Variants in NRXN1 observed in about 807,000 individuals in gnomAD.
NRXN1 encodes neurexin-1.
In NRXN1, 39 loss-of-function variants were observed where a neutral mutation model predicts 150.9. The observed-to-expected ratio is 0.26, with a 90% CI of 0.20 to 0.34. The LOEUF (loss-of-function observed/expected upper bound fraction) is 0.34, where lower values mean the gene tolerates loss of function less well. Ranked by LOEUF, NRXN1 falls within the 10% of genes least tolerant of loss-of-function variation. The probability of loss-of-function intolerance (pLI) is 1.00; values close to 1 mark genes in which losing one functional copy is unlikely to be tolerated. For synonymous variants in NRXN1, 924 were observed against 757.0 expected (o/e 1.22, Z -3.62); for missense variants, 1,815 against 1,949.9 (o/e 0.93, Z 1.30).
At chr2:50,931,781 T>A (rs1397535849) in intron 2 of NRXN1, among the ~76,000 whole-genome samples, 1 of 152,132 alleles carries the variant, frequency 6.6e-6, no homozygotes, top group Non-Finnish European at 1.5e-5. Context: ...AAAATTATTT[T>A]AAAAGGAATA....
intron 5 of NRXN1, among the ~76,000 whole-genome samples, chr2:50,683,015 T>C (rs1574084902): frequency 1.3e-5 from 2 of 152,052 alleles, no homozygotes; most frequent in East Asian, 1.9e-4. Context: ...TAATCAACCA[T>C]TGAGGGCCTA....
chr2:50,371,787 T>C (rs1244118621), intron 17 of NRXN1, among the ~76,000 whole-genome samples: 3 of 151,844 alleles, frequency 2.0e-5, no homozygotes, highest in Non-Finnish European at 4.4e-5. Flanking sequence ...TATTTTTATA[T>C]TTATAAAATA....
intron 17 of NRXN1, among the ~76,000 whole-genome samples, chr2:50,392,771 C>A (rs932584372): frequency 4.6e-5 from 7 of 151,928 alleles, no homozygotes; most frequent in African/African-American, 1.5e-4. Flanking sequence ...AAATGGGTAT[C>A]CTGAAAGCTA....
chr2:50,198,328 G>A (rs1434897377), intron 18 of NRXN1, among the ~76,000 whole-genome samples: 1 of 152,038 alleles, frequency 6.6e-6, no homozygotes, highest in Non-Finnish European at 1.5e-5. Context: ...GAGGCACCAG[G>A]GGAAAAGTGG....
At chr2:50,485,191 T>C (rs1266369100) in intron 15 of NRXN1, among the ~76,000 whole-genome samples, 1 of 152,238 alleles carries the variant, frequency 6.6e-6, no homozygotes, top group Non-Finnish European at 1.5e-5. Context: ...ATTGAATTTC[T>C]GACTGAAGTG....
At chr2:50,898,379 T>C (rs1355962601) in intron 5 of NRXN1, among the ~76,000 whole-genome samples, 1 of 152,182 alleles carries the variant, frequency 6.6e-6, no homozygotes, top group Admixed American at 6.5e-5. Flanking sequence ...CTTCTATCTG[T>C]AGCCCTTTTC....
chr2:50,935,331 C>G (rs1328126016), intron 2 of NRXN1, among the ~76,000 whole-genome samples: 1 of 152,128 alleles, frequency 6.6e-6, no homozygotes, highest in African/African-American at 2.4e-5. Flanking sequence ...GAGCAGTTCA[C>G]ACCTCTAGTT....
chr2:50,074,408 G>T (rs1026859666), intron 19 of NRXN1, among the ~76,000 whole-genome samples: 1 of 152,056 alleles, frequency 6.6e-6, no homozygotes, highest in African/African-American at 2.4e-5. Flanking sequence ...ATGGAGGCTA[G>T]AACATTCCAG....
intron 17 of NRXN1, 187 bp downstream of exon 17, chr2:50,465,255 C>G (rs2088698449): frequency 7.0e-6 from 3 of 427,464 alleles, no homozygotes; most frequent in Admixed American, 8.8e-5. Context: ...ACCATCATCA[C>G]AGGATTTAGC....
chr2:50,841,310 T>G (rs952873924), intron 5 of NRXN1, among the ~76,000 whole-genome samples: 9 of 152,208 alleles, frequency 5.9e-5, no homozygotes, highest in African/African-American at 2.2e-4. Flanking sequence ...ATTTGAAATT[T>G]CCAGCCATAC....
chr2:50,603,528 GGTTT>G (rs1232966855), intron 8 of NRXN1, among the ~76,000 whole-genome samples: 8 of 152,058 alleles, frequency 5.3e-5, no homozygotes, highest in Non-Finnish European at 1.0e-4. Flanking sequence ...AAGAGGATTT[GGTTT>G]GTTAGTTTGC....
chr2:50,827,658 G>T (rs1168563127), intron 5 of NRXN1, among the ~76,000 whole-genome samples: 1 of 152,066 alleles, frequency 6.6e-6, no homozygotes, highest in African/African-American at 2.4e-5. Context: ...CACAGAGGGG[G>T]ACTTGGCAGG....
At chr2:50,827,789 T>G (rs1322860173) in intron 5 of NRXN1, among the ~76,000 whole-genome samples, 1 of 150,612 alleles carries the variant, frequency 6.6e-6, no homozygotes, top group African/African-American at 2.4e-5. Flanking sequence ...TACTTGAGAT[T>G]AGGGAGTGGT....
intron 8 of NRXN1, among the ~76,000 whole-genome samples, chr2:50,568,361 A>G (rs1297985162): frequency 6.6e-6 from 1 of 152,170 alleles, no homozygotes; most frequent in Non-Finnish European, 1.5e-5. Context: ...GAGACAACCC[A>G]CAGAATGGGA....
chr2:50,585,025 A>G (rs1385354623), intron 8 of NRXN1, among the ~76,000 whole-genome samples: 1 of 152,140 alleles, frequency 6.6e-6, no homozygotes, highest in Non-Finnish European at 1.5e-5. Flanking sequence ...CATAAAAATA[A>G]AAGTTTTAGG....
intron 13 of NRXN1, among the ~76,000 whole-genome samples, chr2:50,499,824 T>G (rs1317749370): frequency 2.6e-5 from 4 of 151,588 alleles, no homozygotes; most frequent in Non-Finnish European, 5.9e-5. Flanking sequence ...GGTGGGCGCC[T>G]GTAATCCCAG....
At chr2:50,135,353 C>G (rs562947021) in intron 18 of NRXN1, among the ~76,000 whole-genome samples, 1 of 152,290 alleles carries the variant, frequency 6.6e-6, no homozygotes, top group Admixed American at 6.5e-5. Flanking sequence ...TACTCAAACT[C>G]TCCCTCAGAA....
At chr2:49,997,803 T>C (rs1238759545) in intron 21 of NRXN1, among the ~76,000 whole-genome samples, 1 of 152,074 alleles carries the variant, frequency 6.6e-6, no homozygotes, top group East Asian at 1.9e-4. Flanking sequence ...CTCTCTAAGA[T>C]GAGTCTGAGG....
intron 17 of NRXN1, among the ~76,000 whole-genome samples, chr2:50,403,088 G>T (rs181529770): frequency 1.9e-3 from 282 of 152,176 alleles, no homozygotes; most frequent in African/African-American, 6.8e-3. Flanking sequence ...CATGGTTGCT[G>T]AGCTATCAGA....
Sources: allele counts gnomAD v4.1 joint callset (sites outside exome capture counted in the v4.1 genomes callset), GRCh38; gene constraint gnomAD v4.1.1; transcripts MANE v1.5; gene names NCBI Gene and HGNC (gene_info 2026-07-23, HGNC 2026-07-21).